Variants in SOAT2 observed in about 807,000 individuals in gnomAD.
The protein encoded by SOAT2 is ACAT-2.
SOAT2 carries 87 observed loss-of-function variants against 76.0 expected under a neutral mutation model. That is an observed-to-expected ratio of 1.14 (90% CI 0.96 to 1.37). The LOEUF is 1.37. SOAT2 is among the 40% of genes most tolerant of loss of function. SOAT2 has a pLI of 0.00. For synonymous variants in SOAT2, 285 were observed against 275.4 expected (o/e 1.03, Z -0.34); for missense variants, 686 against 682.1 (o/e 1.01, Z -0.06).
In SOAT2 at chr12:53,105,248, G is replaced by C; in HGVS notation, c.275+5G>C. 4 of 1,602,360 alleles carry C rather than the reference G, an allele frequency of 2.5e-6. No individual in the cohort carries two copies. Among genetic ancestry groups the C allele is most frequent in the Non-Finnish European group, 3.4e-6 (4 of 1,174,878 alleles). Reference sequence around the variant, plus strand: ...TCCCCCAGGTTCCTTGAGCAGGTGAGTCTGGGGAATGGCTGCGCGGGCTCC... The same window carrying C: ...TCCCCCAGGTTCCTTGAGCAGGTGACTCTGGGGAATGGCTGCGCGGGCTCC... On this transcript the variant is annotated splice_donor_5th_base_variant and intron_variant, in intron 3 of 14. Transcript: ENST00000301466.
At chr12:53,108,371 G>C (rs1029858339) in intron 5 of SOAT2, among the ~76,000 whole-genome samples, 5 of 152,212 alleles carry the variant, frequency 3.3e-5, no homozygotes, top group African/African-American at 1.2e-4. Flanking sequence ...TCCAGTCAAA[G>C]CCTTGGGAAA....
chr12:53,124,120 C>CT lies in SOAT2; in HGVS notation c.1567dup (p.Ter523LeufsTer35), dbSNP rs577738815. ...CACCTCGATCTTGGTCCTGCCATAC[C>CT]TAGAGGTCGGGACAGACGACGCTAC... On this transcript the variant is annotated frameshift_variant, in exon 15 of 15. Coordinates refer to ENST00000301466, the MANE Select transcript of SOAT2 (RefSeq NM_003578.4). LOFTEE classifies it high-confidence loss of function. 2.8e-5 allele frequency: 45 copies of CT among 1,614,052 alleles called. No individual in the cohort carries two copies. Among genetic ancestry groups the CT allele is most frequent in the Non-Finnish European group, 3.3e-5 (39 of 1,180,038 alleles).
intron 1 of SOAT2, 41 bp downstream of exon 1, chr12:53,103,700 G>C (rs553651149): frequency 2.7e-5 from 39 of 1,424,670 alleles, no homozygotes; most frequent in East Asian, 1.5e-4. Context: ...AGGCAAGTGG[G>C]GGGGAGGCGG....
intron 5 of SOAT2, among the ~76,000 whole-genome samples, chr12:53,106,525 C>G (rs958190859): frequency 6.6e-6 from 1 of 152,222 alleles, no homozygotes; most frequent in Non-Finnish European, 1.5e-5. Flanking sequence ...CCTCAGAGAG[C>G]TGTATACCCC....
At position 53,105,548 on chromosome 12, in the gene SOAT2, C is replaced by T. The variant is rs1457457913; in HGVS notation, c.276-13C>T. On this transcript the variant is annotated splice_polypyrimidine_tract_variant and intron_variant, in intron 3 of 14. Coordinates refer to ENST00000301466, the MANE Select transcript of SOAT2 (RefSeq NM_003578.4). Reference sequence around the variant, plus strand: ...TTACTTTTTCCTGACCCTGAACAAACATCTCAATTCAGGACCCAGGAGCCA... The same window carrying T: ...TTACTTTTTCCTGACCCTGAACAAATATCTCAATTCAGGACCCAGGAGCCA... The T allele has an allele frequency of 1.2e-6, 2 of 1,609,312 alleles. No homozygotes were observed. The highest frequency in any genetic ancestry group is 1.7e-5 in the Admixed American group (1 of 59,728).
chr12:53,115,970 G>C, intron 6 of SOAT2, 127 bp from the exon 7 acceptor site: 3 of 837,700 alleles, frequency 3.6e-6, no homozygotes, highest in East Asian at 2.4e-5. Flanking sequence ...AAAAGAAAAA[G>C]TATGGGCTCT....
At chr12:53,111,262 C>G (rs536663745) in intron 5 of SOAT2, among the ~76,000 whole-genome samples, 3 of 152,032 alleles carry the variant, frequency 2.0e-5, no homozygotes, top group Non-Finnish European at 2.9e-5. Context: ...CCCGCCACCA[C>G]GCCCGGCTAA....
At position 53,123,828 on chromosome 12, in the gene SOAT2, G is replaced by A. The variant is rs1484449997; in HGVS notation, c.1473G>A (p.Leu491=). 2 of 1,614,048 alleles carry A rather than the reference G, an allele frequency of 1.2e-6. No individual in the cohort carries two copies. Among genetic ancestry groups the A allele is most frequent in the African/African-American group, 1.3e-5 (1 of 74,908 alleles). Residue 491 remains leucine (L), a synonymous_variant, in exon 14 of 15, where the codon CTG becomes CTA. Transcript: ENST00000301466. ...TAGGCCAGGGAATCCAGGTCAGCCT[G>A]TACTGCCAGGAGTGGTACGCACGGC... ...LFLGQGIQVS[L]YCQEWYARRH...
intron 5 of SOAT2, among the ~76,000 whole-genome samples, chr12:53,110,649 G>T (rs1046245719): frequency 1.3e-5 from 2 of 151,964 alleles, no homozygotes; most frequent in African/African-American, 4.8e-5. Flanking sequence ...TATCTAGGGG[G>T]CATGGCTAAT....
intron 5 of SOAT2, among the ~76,000 whole-genome samples, chr12:53,108,097 T>C (rs922293982): frequency 6.6e-6 from 1 of 152,222 alleles, no homozygotes; most frequent in Admixed American, 6.5e-5. Flanking sequence ...CTTCGTTCCA[T>C]AGAAGGAATC....
intron 2 of SOAT2, 58 bp downstream of exon 2, chr12:53,104,264 G>A (rs893585477): frequency 7.9e-7 from 1 of 1,265,316 alleles, no homozygotes; most frequent in Non-Finnish European, 1.1e-6. Flanking sequence ...CAGGAAGCAG[G>A]AGTGAGGCTT....
At chr12:53,121,952 C>T (rs767265909) in intron 12 of SOAT2, among the ~76,000 whole-genome samples, 5 of 151,504 alleles carry the variant, frequency 3.3e-5, no homozygotes, top group Non-Finnish European at 5.9e-5. Context: ...GGACTACACG[C>T]AAATGCCACC....
At chr12:53,123,636 T>C (rs1938229183) in intron 13 of SOAT2, 92 bp from the exon 14 acceptor site, 1 of 1,487,580 alleles carries the variant, frequency 6.7e-7, no homozygotes, top group Admixed American at 1.8e-5. Flanking sequence ...GGCCTTCTTG[T>C]TCCATCTCTT....
rs1185842648 is a variant in SOAT2 at position 53,123,725 on chromosome 12, C to G, written c.1373-3C>G. ...GGAATGACAACCTTTCCTCCTGCAC[C>G]AGGAATGTTGAACTTCATGATGCAT... is the stretch of plus-strand genomic sequence containing the variant. On this transcript the variant is annotated splice_region_variant and splice_polypyrimidine_tract_variant and intron_variant, in intron 13 of 14. Coordinates refer to ENST00000301466, the MANE Select transcript of SOAT2 (RefSeq NM_003578.4). 1.2e-6 allele frequency: 2 copies of G among 1,613,990 alleles called. No individual in the cohort carries two copies. The highest frequency in any genetic ancestry group is 1.1e-5 in the South Asian group (1 of 91,086).
chr12:53,107,826 T>A (rs1937958937), intron 5 of SOAT2, among the ~76,000 whole-genome samples: 1 of 152,088 alleles, frequency 6.6e-6, no homozygotes, highest in Non-Finnish European at 1.5e-5. Context: ...TTTCACCGTG[T>A]TGGCCAGGCT....
At chr12:53,112,645 C>T (rs559139513) in intron 5 of SOAT2, among the ~76,000 whole-genome samples, 5 of 151,776 alleles carry the variant, frequency 3.3e-5, no homozygotes, top group Admixed American at 6.6e-5. Context: ...TGCACACATA[C>T]GTATACACAT....
intron 5 of SOAT2, among the ~76,000 whole-genome samples, chr12:53,111,957 GC>G (rs1938017835): frequency 6.6e-6 from 1 of 152,218 alleles, no homozygotes; most frequent in East Asian, 1.9e-4. Flanking sequence ...TATTAGGCAT[GC>G]CAATAGAAGT....
chr12:53,112,284 C>T (rs182987693), intron 5 of SOAT2, among the ~76,000 whole-genome samples: 4 of 152,056 alleles, frequency 2.6e-5, no homozygotes, highest in South Asian at 2.1e-4. Flanking sequence ...TGGTGGCTCA[C>T]GCCTGTAATC....
rs112056253 is a variant in SOAT2 at position 53,104,988 on chromosome 12, GT to G, written c.139-108del. ...CCCATCCCTGCTGACCCCCCAGGTT[GT>G]TTTTTTTTTTAAAAAAAGCACTGTG... On this transcript the variant is annotated intron_variant, in intron 2 of 14. Transcript: ENST00000301466. 9.5e-3 allele frequency: 9,268 copies of G among 979,294 alleles called. 2 individuals are homozygous for G. The highest frequency in any genetic ancestry group is 0.013 in the African/African-American group (756 of 57,262). The allele number at this position is 979,294 out of a possible 1,614,324, so 60.7% of individuals were successfully genotyped here.
Sources: gnomAD v4.1 joint callset for allele counts (sites outside exome capture counted in the v4.1 genomes callset) on GRCh38, gnomAD v4.1.1 for gene constraint, MANE v1.5 for transcripts, NCBI Gene and HGNC (gene_info 2026-07-23, HGNC 2026-07-21) for gene names.